Variants in CCDC141 observed in about 807,000 individuals in gnomAD.
CCDC141 encodes coiled-coil domain containing 141.
In CCDC141, 168 loss-of-function variants were observed where a neutral mutation model predicts 181.0. The observed-to-expected ratio is 0.93, with a 90% CI of 0.82 to 1.05. The LOEUF is 1.05. CCDC141 is among the 50% of genes least tolerant of loss of function. The pLI is 0.00. For synonymous variants in CCDC141, 666 were observed against 642.3 expected (o/e 1.04, Z -0.56); for missense variants, 1,902 against 1,788.5 (o/e 1.06, Z -1.14).
intron 6 of CCDC141, among the ~76,000 whole-genome samples, chr2:178,933,765 T>A: frequency 6.6e-6 from 1 of 152,138 alleles, no homozygotes; most frequent in South Asian, 2.1e-4. Context: ...ATCCAAATGC[T>A]TACAGCAGCC....
At chr2:178,968,409 T>C (rs1575280310) in intron 4 of CCDC141, among the ~76,000 whole-genome samples, 1 of 152,038 alleles carries the variant, frequency 6.6e-6, no homozygotes, top group Non-Finnish European at 1.5e-5. Flanking sequence ...AGTGCAATCA[T>C]ATTAGAATTC....
At chr2:179,015,618 C>CATATATCTCAT (rs2042492451) in intron 2 of CCDC141, among the ~76,000 whole-genome samples, 1 of 69,500 alleles carries the variant, frequency 1.4e-5, no homozygotes, top group African/African-American at 4.0e-5. Flanking sequence ...TCATATAGCT[C>CATATATCTCAT]ATATATATCT....
intron 17 of CCDC141, among the ~76,000 whole-genome samples, chr2:178,858,222 CAG>C (rs1346257436): frequency 6.6e-6 from 1 of 152,046 alleles, no homozygotes; most frequent in African/African-American, 2.4e-5. Context: ...ATTAGAAACT[CAG>C]GGGAATATTT....
At chr2:179,007,459 G>T (rs1415987038) in intron 2 of CCDC141, among the ~76,000 whole-genome samples, 1 of 152,046 alleles carries the variant, frequency 6.6e-6, no homozygotes, top group Non-Finnish European at 1.5e-5. Flanking sequence ...TCATTATTTA[G>T]CTGCTTTAAA....
intron 6 of CCDC141, among the ~76,000 whole-genome samples, chr2:178,935,004 A>G (rs1689229829): frequency 6.6e-6 from 1 of 152,220 alleles, no homozygotes; most frequent in Admixed American, 6.5e-5. Flanking sequence ...AAGAAATTAG[A>G]TTGTTGAAAA....
intron 8 of CCDC141, among the ~76,000 whole-genome samples, chr2:178,896,415 CA>C (rs1687408795): frequency 6.6e-6 from 1 of 152,086 alleles, no homozygotes; most frequent in African/African-American, 2.4e-5. Flanking sequence ...GATTTGGGGT[CA>C]GTTTTATATG....
chr2:178,983,821 G>C (rs539240418), intron 2 of CCDC141, among the ~76,000 whole-genome samples: 2,956 of 151,472 alleles, frequency 0.02, 47 homozygotes, highest in Non-Finnish European at 0.028. Flanking sequence ...TATGTGAAAA[G>C]ACCAAATCTA....
At chr2:178,843,385 C>T (rs1305175421) in intron 22 of CCDC141, among the ~76,000 whole-genome samples, 1 of 152,206 alleles carries the variant, frequency 6.6e-6, no homozygotes, top group Non-Finnish European at 1.5e-5. Context: ...AAGCCATCAT[C>T]TTCCACCAAA....
chr2:178,890,921 T>C (rs1402292675), intron 8 of CCDC141, among the ~76,000 whole-genome samples: 1 of 152,186 alleles, frequency 6.6e-6, no homozygotes, highest in South Asian at 2.1e-4. Flanking sequence ...CATTATTTGA[T>C]AGAATCCTTA....
chr2:179,030,120 C>G (rs1158572055), intron 2 of CCDC141, among the ~76,000 whole-genome samples: 3 of 151,980 alleles, frequency 2.0e-5, no homozygotes, highest in Non-Finnish European at 2.9e-5. Context: ...TATATCTCCC[C>G]CTTTGCTTGT....
chr2:178,879,136 C>T (rs1686481127), intron 11 of CCDC141, among the ~76,000 whole-genome samples: 1 of 152,160 alleles, frequency 6.6e-6, no homozygotes, highest in African/African-American at 2.4e-5. Context: ...TCCCCTTGAT[C>T]AGAGTTTATG....
At chr2:178,965,358 G>C (rs998484556) in intron 4 of CCDC141, among the ~76,000 whole-genome samples, 1 of 152,162 alleles carries the variant, frequency 6.6e-6, no homozygotes, top group Admixed American at 6.5e-5. Context: ...GGAACAGCTC[G>C]GGTCTGCAGC....
At chr2:178,947,155 T>C (rs1213329611) in intron 5 of CCDC141, among the ~76,000 whole-genome samples, 1 of 152,194 alleles carries the variant, frequency 6.6e-6, no homozygotes, top group Non-Finnish European at 1.5e-5. Flanking sequence ...TCAATCATAA[T>C]ATTCTGCCAC....
intron 12 of CCDC141, among the ~76,000 whole-genome samples, chr2:178,872,678 A>T (rs1686173697): frequency 1.3e-5 from 2 of 152,218 alleles, no homozygotes; most frequent in Admixed American, 1.3e-4. Context: ...CTTTTATTTT[A>T]ACATGCTCAT....
intron 1 of CCDC141, 34 bp downstream of exon 1, chr2:179,049,806 C>T (rs1446092962): frequency 6.5e-7 from 1 of 1,550,024 alleles, no homozygotes; most frequent in Non-Finnish European, 8.7e-7. Context: ...TAGAAGCCCA[C>T]AGCCGCACAG....
intron 13 of CCDC141, 88 bp from the exon 14 acceptor site, chr2:178,871,640 C>A: frequency 1.4e-6 from 2 of 1,428,992 alleles, no homozygotes; most frequent in South Asian, 2.8e-5. Context: ...AGAGTGTGAT[C>A]AAATTTTTCA....
chr2:178,915,039 C>A (rs531587121), intron 7 of CCDC141, among the ~76,000 whole-genome samples: 1 of 151,932 alleles, frequency 6.6e-6, no homozygotes, highest in African/African-American at 2.4e-5. Flanking sequence ...AAAAAATTAG[C>A]CTGGTATGGT....
intron 5 of CCDC141, among the ~76,000 whole-genome samples, chr2:178,951,327 A>T (rs1689944902): frequency 6.6e-6 from 1 of 152,200 alleles, no homozygotes; most frequent in Non-Finnish European, 1.5e-5. Flanking sequence ...GTACAGAACT[A>T]CTTAGGAGTG....
intron 2 of CCDC141, among the ~76,000 whole-genome samples, chr2:178,992,496 T>C (rs568180491): frequency 3.7e-4 from 57 of 152,176 alleles, no homozygotes; most frequent in South Asian, 1.7e-3. Context: ...TAAGACACAT[T>C]ACACACTTAA....
Sources: gnomAD v4.1 joint callset for allele counts (sites outside exome capture counted in the v4.1 genomes callset) on GRCh38, gnomAD v4.1.1 for gene constraint, MANE v1.5 for transcripts, NCBI Gene and HGNC (gene_info 2026-07-23, HGNC 2026-07-21) for gene names.